CTNNA3: variants seen among roughly 807,000 people sequenced by gnomAD.
CTNNA3 encodes catenin alpha-3.
A neutral mutation model predicts 95.7 loss-of-function variants in CTNNA3; 76 were observed. The observed-to-expected ratio is 0.79, with a 90% CI of 0.66 to 0.96. The LOEUF (loss-of-function observed/expected upper bound fraction) is 0.96, where lower values mean the gene tolerates loss of function less well. CTNNA3 is among the 40% of genes least tolerant of loss of function. The pLI is 0.00. For synonymous variants in CTNNA3, 431 were observed against 374.4 expected (o/e 1.15, Z -1.74); for missense variants, 1,191 against 1,089.8 (o/e 1.09, Z -1.31).
At chr10:66,602,424 C>G (rs1284740096) in intron 10 of CTNNA3, among the ~76,000 whole-genome samples, 1 of 151,766 alleles carries the variant, frequency 6.6e-6, no homozygotes, top group South Asian at 2.1e-4. Flanking sequence ...TAAGTGTGAA[C>G]CACCTACAAG....
At chr10:66,840,649 A>G (rs944866108) in intron 7 of CTNNA3, among the ~76,000 whole-genome samples, 5 of 152,150 alleles carry the variant, frequency 3.3e-5, no homozygotes, top group African/African-American at 1.2e-4. Context: ...TCAATACATG[A>G]ATTCGAAATT....
At chr10:66,413,103 C>T (rs2093120871) in intron 11 of CTNNA3, among the ~76,000 whole-genome samples, 1 of 152,052 alleles carries the variant, frequency 6.6e-6, no homozygotes, top group Non-Finnish European at 1.5e-5. Context: ...AGTACTCTAT[C>T]TTGTAAATGC....
chr10:66,105,841 C>A (rs943793261), intron 13 of CTNNA3, among the ~76,000 whole-genome samples: 1 of 152,130 alleles, frequency 6.6e-6, no homozygotes, highest in African/African-American at 2.4e-5. Context: ...TAGTTAAATA[C>A]AAAATGCTAC....
chr10:65,944,511 C>T (rs987219803), intron 17 of CTNNA3, among the ~76,000 whole-genome samples: 2 of 152,188 alleles, frequency 1.3e-5, no homozygotes, highest in African/African-American at 4.8e-5. Context: ...AAAAGAATTA[C>T]TGCATGAACC....
intron 2 of CTNNA3, among the ~76,000 whole-genome samples, chr10:67,639,935 G>T (rs1440570951): frequency 6.6e-6 from 1 of 152,130 alleles, no homozygotes; most frequent in Non-Finnish European, 1.5e-5. Flanking sequence ...AATTCCATTT[G>T]AAAACTGGCA....
rs1235170612 is a variant in CTNNA3 at position 67,716,469 on chromosome 10, C to CT, written c.-2+46964_-2+46965insA. Among the ~76,000 whole-genome samples, 4 of 152,186 alleles carry CT rather than the reference C, an allele frequency of 2.6e-5. No individual in the cohort carries two copies. In the East Asian group the frequency reaches 7.7e-4, roughly 29 times the overall value. ...GTATTTCTCCTAATGCTCTCCCTCC[C>CT]CTAGCCTCCACCCCTCAACAGGCCC... On this transcript the variant is annotated intron_variant, in intron 1 of 17. Coordinates refer to the CTNNA3 transcript ENST00000684154.
chr10:65,981,302 G>C (rs769293920), intron 16 of CTNNA3, among the ~76,000 whole-genome samples: 2 of 151,832 alleles, frequency 1.3e-5, no homozygotes, highest in Non-Finnish European at 2.9e-5. Flanking sequence ...GGAGGTGAAA[G>C]ACTTCTACAA....
intron 9 of CTNNA3, among the ~76,000 whole-genome samples, chr10:66,647,754 C>A (rs1051790852): frequency 6.6e-6 from 1 of 151,586 alleles, no homozygotes; most frequent in Non-Finnish European, 1.5e-5. Flanking sequence ...CTTCTGACCT[C>A]GTGATCCACC....
rs1864565635 is a variant in CTNNA3 at position 67,219,798 on chromosome 10, A to G, written c.652T>C (p.Leu218=). Residue 218 remains leucine, a synonymous_variant, in exon 6 of 18, where the codon TTG becomes CTG. Coordinates refer to ENST00000433211, the MANE Select transcript of CTNNA3 (RefSeq NM_013266.4). ...AAACAAGCTGAACAAATTGAATGCA[A>G]GAGGGGAGAGTTCTCCTTCAGTGAA... The part of the protein sequence containing the change: ...RASLKENSPL[L]HSICSACLEH... The G allele has an allele frequency of 1.2e-6, 2 of 1,614,050 alleles. No individual in the cohort carries two copies. Among genetic ancestry groups the G allele is most frequent in the East Asian group, 4.5e-5 (2 of 44,878 alleles).
At chr10:66,356,125 T>TTG (rs1399577621) in intron 12 of CTNNA3, among the ~76,000 whole-genome samples, 30 of 131,066 alleles carry the variant, frequency 2.3e-4, no homozygotes, top group South Asian at 1.0e-3. Flanking sequence ...TTGTTTTGTT[T>TTG]TTTTTTTTTT....
At chr10:67,196,538 T>C (rs1369081887) in intron 6 of CTNNA3, among the ~76,000 whole-genome samples, 2 of 152,214 alleles carry the variant, frequency 1.3e-5, no homozygotes, top group Admixed American at 1.3e-4. Context: ...GCCCTAATAC[T>C]GTAATGATGG....
chr10:66,804,783 GC>G (rs750322848), intron 7 of CTNNA3, among the ~76,000 whole-genome samples: 6 of 151,968 alleles, frequency 3.9e-5, no homozygotes, highest in Non-Finnish European at 5.9e-5. Flanking sequence ...GCTCTATTTA[GC>G]TCCTGTTTAG....
chr10:66,864,078 T>C (rs1160628519), intron 7 of CTNNA3, among the ~76,000 whole-genome samples: 1 of 152,168 alleles, frequency 6.6e-6, no homozygotes. Flanking sequence ...ATGTGTATGA[T>C]TTTCTATGCC....
At chr10:66,712,441 C>T (rs867621118) in intron 9 of CTNNA3, among the ~76,000 whole-genome samples, 3 of 152,034 alleles carry the variant, frequency 2.0e-5, no homozygotes, top group African/African-American at 4.8e-5. Context: ...TCTGATATTT[C>T]GATATTATTC....
chr10:67,375,443 T>G (rs1384685374), intron 5 of CTNNA3, among the ~76,000 whole-genome samples: 1 of 151,950 alleles, frequency 6.6e-6, no homozygotes, highest in East Asian at 1.9e-4. Flanking sequence ...CTGTCTCTGC[T>G]AAAAATACAA....
chr10:66,492,574 T>G (rs1254395549), intron 11 of CTNNA3, among the ~76,000 whole-genome samples: 1 of 152,132 alleles, frequency 6.6e-6, no homozygotes, highest in East Asian at 1.9e-4. Context: ...AGTTCAACAA[T>G]GATAGCAATC....
intron 13 of CTNNA3, among the ~76,000 whole-genome samples, chr10:66,125,772 C>A (rs2082797681): frequency 6.6e-6 from 1 of 152,002 alleles, no homozygotes; most frequent in Non-Finnish European, 1.5e-5. Context: ...CTATATGATC[C>A]CAATTGAACA....
chr10:66,410,568 T>A (rs1003451406), intron 11 of CTNNA3, among the ~76,000 whole-genome samples: 2 of 152,200 alleles, frequency 1.3e-5, no homozygotes, highest in African/African-American at 4.8e-5. Flanking sequence ...TCCTCAGTCC[T>A]TGAGATGAGG....
At chr10:67,389,545 T>C (rs971928217) in intron 5 of CTNNA3, among the ~76,000 whole-genome samples, 3 of 151,888 alleles carry the variant, frequency 2.0e-5, no homozygotes, top group Non-Finnish European at 2.9e-5. Context: ...AACTCAGCTC[T>C]GCACCAAGCG....
Sources: gnomAD v4.1 joint callset for allele counts (sites outside exome capture counted in the v4.1 genomes callset) on GRCh38, gnomAD v4.1.1 for gene constraint, MANE v1.5 for transcripts, NCBI Gene and HGNC (gene_info 2026-07-23, HGNC 2026-07-21) for gene names.